ARSG: variants seen among roughly 807,000 people sequenced by gnomAD.
The protein encoded by ARSG is ASG.
Under a neutral mutation model 50.5 loss-of-function variants are expected in ARSG, and 37 were observed. The observed-to-expected ratio is 0.73, with a 90% CI of 0.56 to 0.96. ARSG has a LOEUF of 0.96. Ranked by LOEUF, ARSG falls within the 50% of genes least tolerant of loss-of-function variation. The pLI is 0.00. For synonymous variants in ARSG, 225 were observed against 254.6 expected (o/e 0.88, Z 1.11); for missense variants, 629 against 675.3 (o/e 0.93, Z 0.76).
At chr17:68,282,217 T>C (rs1286558340) in intron 1 of ARSG, among the ~76,000 whole-genome samples, 1 of 152,030 alleles carries the variant, frequency 6.6e-6, no homozygotes, top group Admixed American at 6.6e-5. Flanking sequence ...TGGATGAAGC[T>C]GGAAACCATC....
chr17:68,267,867 G>T (rs186242875), intron 1 of ARSG: 1 of 152,136 alleles, frequency 6.6e-6, no homozygotes, highest in African/African-American at 2.4e-5. Context: ...CTTGTAACTC[G>T]CTATAACATA....
chr17:68,280,878 A>C (rs1210217541), intron 1 of ARSG, among the ~76,000 whole-genome samples: 2 of 152,228 alleles, frequency 1.3e-5, no homozygotes, highest in Non-Finnish European at 2.9e-5. Context: ...TAATCCCAGC[A>C]CTTCGGGATG....
At chr17:68,401,539 G>A (rs2081473240) in intron 11 of ARSG, 89 bp downstream of exon 11, 1 of 1,204,560 alleles carries the variant, frequency 8.3e-7, no homozygotes, top group Non-Finnish European at 1.2e-6. Flanking sequence ...GGGAATGAGT[G>A]TGAGTCCCTC....
the ARSG span, among the ~76,000 whole-genome samples, chr17:68,447,153 A>G: frequency 6.6e-6 from 1 of 152,202 alleles, no homozygotes; most frequent in Non-Finnish European, 1.5e-5. Flanking sequence ...CTGCCCTAGA[A>G]CACCACAGAT....
intron 2 of ARSG, among the ~76,000 whole-genome samples, chr17:68,334,118 G>T (rs545033106): frequency 6.6e-6 from 1 of 152,086 alleles, no homozygotes; most frequent in South Asian, 2.1e-4. Flanking sequence ...ATATGTTGGC[G>T]CACACACCTT....
intron 6 of ARSG, among the ~76,000 whole-genome samples, chr17:68,358,649 A>G (rs1599867281): frequency 6.6e-6 from 1 of 151,956 alleles, no homozygotes; most frequent in South Asian, 2.1e-4. Flanking sequence ...AGATTGTGCC[A>G]CCGCACTCCA....
intron 6 of ARSG, among the ~76,000 whole-genome samples, chr17:68,357,038 C>T (rs1350654559): frequency 6.6e-6 from 1 of 152,186 alleles, no homozygotes; most frequent in South Asian, 2.1e-4. Context: ...GGGGCTTATC[C>T]CTCTGTTGCT....
intron 1 of ARSG, among the ~76,000 whole-genome samples, chr17:68,286,152 G>A (rs1176071485): frequency 4.6e-5 from 7 of 152,168 alleles, no homozygotes; most frequent in African/African-American, 1.4e-4. Context: ...GTTTTTGTAT[G>A]AGCTGAGATT....
intron 6 of ARSG, among the ~76,000 whole-genome samples, chr17:68,365,188 T>C (rs2079486861): frequency 6.6e-6 from 1 of 152,150 alleles, no homozygotes; most frequent in Non-Finnish European, 1.5e-5. Flanking sequence ...CGTGCATGCC[T>C]GTAGTCCCAG....
chr17:68,341,610 C>T (rs536858403), intron 2 of ARSG, among the ~76,000 whole-genome samples: 1 of 152,330 alleles, frequency 6.6e-6, no homozygotes, highest in Admixed American at 6.5e-5. Context: ...TTCTTTATCT[C>T]CATGTCCTGT....
intron 4 of ARSG, among the ~76,000 whole-genome samples, chr17:68,348,977 T>C (rs2078633057): frequency 6.6e-6 from 1 of 152,104 alleles, no homozygotes; most frequent in Non-Finnish European, 1.5e-5. Flanking sequence ...AAATCCAGTA[T>C]GCTAGCTGTT....
intron 1 of ARSG, among the ~76,000 whole-genome samples, chr17:68,278,993 C>CATATAAATATAT (rs2075612677): frequency 6.6e-6 from 1 of 152,018 alleles, no homozygotes; most frequent in African/African-American, 2.4e-5. Context: ...TATGTATATA[C>CATATAAATATAT]AAATCTTGGT....
downstream of ARSG, chr17:68,426,254 G>GGCCCC: frequency 3.7e-6 from 3 of 816,914 alleles, no homozygotes; most frequent in Non-Finnish European, 3.9e-6. Context: ...GGGAGCGGGG[G>GGCCCC]CTCAAATAAA....
chr17:68,448,635 A>G, the ARSG span, among the ~76,000 whole-genome samples: 1 of 152,310 alleles, frequency 6.6e-6, no homozygotes, highest in East Asian at 1.9e-4. Flanking sequence ...GAAATCATAC[A>G]AGCAAATACA....
chr17:68,358,194 C>T (rs1287906311), intron 6 of ARSG, among the ~76,000 whole-genome samples: 1 of 151,274 alleles, frequency 6.6e-6, no homozygotes, highest in East Asian at 1.9e-4. Flanking sequence ...CAGAGCGAGA[C>T]CCTGTCTCAA....
chr17:68,275,322 A>G (rs1182104383), intron 1 of ARSG, among the ~76,000 whole-genome samples: 1 of 152,204 alleles, frequency 6.6e-6, no homozygotes, highest in Non-Finnish European at 1.5e-5. Context: ...AACATGCTAG[A>G]AAAGGAAGTG....
rs942727616 is a variant in ARSG at position 68,378,366 on chromosome 17, G to C, written c.983-6698G>C. ...CTTCCCCTGTTCTCAGGGCCCCCAG[G>C]CCCCCCTGCTTGTCTTCCCTTTCCT... On this transcript the variant is annotated intron_variant, in intron 8 of 11. Transcript: ENST00000621439. The surrounding 1 kb of genome is among the most constrained non-coding windows in gnomAD (Gnocchi z 4.4). Among the ~76,000 whole-genome samples the C allele has an allele frequency of 6.6e-6, 1 of 152,176 alleles. No homozygotes were observed. The highest frequency in any genetic ancestry group is 1.5e-5 in the Non-Finnish European group (1 of 68,018).
At chr17:68,329,421 G>A (rs1192133989) in intron 2 of ARSG, among the ~76,000 whole-genome samples, 1 of 152,178 alleles carries the variant, frequency 6.6e-6, no homozygotes, top group African/African-American at 2.4e-5. Context: ...TGGCAGTGGA[G>A]GGCTGTCTCC....
chr17:68,406,719 G>T (rs2081740369), intron 11 of ARSG, among the ~76,000 whole-genome samples: 1 of 152,040 alleles, frequency 6.6e-6, no homozygotes, highest in Non-Finnish European at 1.5e-5. Context: ...CTTTTTGATG[G>T]TATTGTTTCT....
Sources: allele counts gnomAD v4.1 joint callset (sites outside exome capture counted in the v4.1 genomes callset), GRCh38; gene constraint gnomAD v4.1.1; non-coding constraint Gnocchi (gnomAD v3.1); transcripts MANE v1.5; gene names NCBI Gene and HGNC (gene_info 2026-07-23, HGNC 2026-07-21).